MYO15B: variants seen among roughly 807,000 people sequenced by gnomAD.
The protein encoded by MYO15B is myosin XVB.
MYO15B carries 207 observed loss-of-function variants against 119.3 expected under a neutral mutation model. The observed-to-expected ratio is 1.73, with a 90% CI of 1.55 to 1.95. MYO15B has a LOEUF of 1.95. MYO15B is among the 30% of genes most tolerant of loss of function. MYO15B has a pLI of 0.00. For synonymous variants in MYO15B, 966 were observed against 498.9 expected (o/e 1.94, Z -12.48); for missense variants, 2,264 against 1,203.1 (o/e 1.88, Z -13.04).
intron 21 of MYO15B, among the ~76,000 whole-genome samples, chr17:75,609,668 T>C (rs1450098790): frequency 1.3e-5 from 2 of 149,442 alleles, no homozygotes; most frequent in African/African-American, 5.0e-5. Flanking sequence ...CTCTCTCTCT[T>C]TCTTTCCTTC....
At chr17:75,609,671 TTTCCTTCCTTCCC>T (rs907449320) in intron 21 of MYO15B, among the ~76,000 whole-genome samples, 3 of 149,988 alleles carry the variant, frequency 2.0e-5, no homozygotes, top group African/African-American at 7.5e-5. Flanking sequence ...TCTCTCTTTC[TTTCCTTCCTTCCC>T]TTCCTTCCTT....
Position 75,588,721 on chromosome 17 carries a change from G to A in MYO15B, c.664G>A (p.Glu222Lys), listed in dbSNP as rs574463855. 662 of 398,564 alleles carry A rather than the reference G, an allele frequency of 1.7e-3. 7 individuals carry two copies. The highest frequency in any genetic ancestry group is 1.8e-4 in the Non-Finnish European group (41 of 225,788). The allele number at this position is 398,564 out of a possible 1,614,324, so 24.7% of individuals were successfully genotyped here. ...GCCCCACGCAGATACCCGGGGCCGG[G>A]AAGGGTCGTCGGGGACGGGGCCCCT... The change falls in exon 1 of 64, where the codon GAA (glutamate) becomes AAA (lysine). Residue 222 changes from glutamate to lysine, a missense_variant. Physicochemically the swap from Glu to Lys is moderately conservative, Grantham distance 56. Transcript: ENST00000645453.
At chr17:75,616,395 G>C in exon 38 of MYO15B, 2 of 622,194 alleles carry the variant, frequency 3.2e-6, no homozygotes, top group Non-Finnish European at 5.7e-6. Flanking sequence ...GGAGGAGGAG[G>C]AGGAGGAGGA....
exon 1 of MYO15B, chr17:75,588,292 C>T: frequency 2.5e-6 from 1 of 398,316 alleles, no homozygotes; most frequent in South Asian, 1.3e-4. Flanking sequence ...CGGCTGCAGA[C>T]GCCCAGGGGC....
intron 14 of MYO15B, among the ~76,000 whole-genome samples, chr17:75,597,136 C>T (rs2056915936): frequency 6.6e-6 from 1 of 152,226 alleles, no homozygotes. Flanking sequence ...CATCTGGCCT[C>T]TGAGGTTCCT....
chr17:75,610,212 A>G, exon 22 of MYO15B: 1 of 701,786 alleles, frequency 1.4e-6, no homozygotes, highest in East Asian at 2.7e-5. Flanking sequence ...GCTGAACACC[A>G]TCCTGCTGGT....
intron 21 of MYO15B, among the ~76,000 whole-genome samples, 195 bp downstream of exon 21, chr17:75,606,216 G>A (rs1050692313): frequency 1.3e-5 from 2 of 152,050 alleles, no homozygotes; most frequent in African/African-American, 4.8e-5. Flanking sequence ...GAATACCCCG[G>A]CCACAAGAAA....
chr17:75,613,841 T>C (rs879178024), intron 29 of MYO15B, 64 bp downstream of exon 29: 2 of 639,262 alleles, frequency 3.1e-6, no homozygotes, highest in Non-Finnish European at 2.8e-6. Flanking sequence ...CCCTCCTCCT[T>C]CTCCAAGCCC....
chr17:75,612,758 T>C lies in MYO15B; in HGVS notation c.4636-40T>C, dbSNP rs1008066803. On this transcript the variant is annotated intron_variant, in intron 25 of 63. Transcript: ENST00000645453. ...GGTGGGGCTCCCCTGGGCTGTCTGA[T>C]AGCTGGTGAGCATGGACTGAGCCCT... The C allele has an allele frequency of 2.3e-5, 16 of 702,538 alleles. No individual in the cohort carries two copies. The African/African-American group carries it at 2.8e-4, about 12-fold the overall frequency. 43.5% of individuals were successfully genotyped at this position (702,538 alleles called of 1,614,324 possible). A position where few individuals can be genotyped will look rare whatever the true frequency, so the allele number is the denominator to read the frequency against.
chr17:75,610,937 C>A, exon 23 of MYO15B: 1 of 703,008 alleles, frequency 1.4e-6, no homozygotes, highest in Non-Finnish European at 2.6e-6. Flanking sequence ...AGCGAAAGGG[C>A]CTTGGAGAGA....
exon 45 of MYO15B, chr17:75,619,470 T>A: frequency 1.4e-6 from 1 of 702,300 alleles, no homozygotes; most frequent in Middle Eastern, 2.4e-4. Flanking sequence ...GCTTCTTTCC[T>A]GTCTCGGTCA....
At chr17:75,591,824 G>C in intron 5 of MYO15B, 112 bp downstream of exon 5, 1 of 682,278 alleles carries the variant, frequency 1.5e-6, no homozygotes, top group Non-Finnish European at 2.7e-6. Flanking sequence ...CAGGAGAGGG[G>C]TGGTCTCCAG....
At chr17:75,625,128 G>A (rs1418900373) in exon 60 of MYO15B, 1 of 696,892 alleles carries the variant, frequency 1.4e-6, no homozygotes, top group Non-Finnish European at 2.6e-6. Context: ...CACAGGTGCT[G>A]TGGGACTACC....
rs1273390832 is a variant in MYO15B at position 75,589,542 on chromosome 17, C to T, written c.1485C>T (p.His495=). 1 of 398,758 alleles carries T rather than the reference C, an allele frequency of 2.5e-6. No homozygotes were observed. Among genetic ancestry groups the T allele is most frequent in the Non-Finnish European group, 4.4e-6 (1 of 226,140 alleles). The allele number at this position is 398,758 out of a possible 1,614,324, so 24.7% of individuals were successfully genotyped here. Residue 495 remains histidine, a synonymous_variant, in exon 1 of 64, where the codon CAC becomes CAT. Coordinates refer to ENST00000645453, the Ensembl canonical transcript of MYO15B. This position sits in a 1 kb window ranked among gnomAD's most constrained non-coding sequence, Gnocchi z 4.2. The stretch of plus-strand genomic sequence containing the variant: ...GGGGCCGTGAGCCCGGGCTGCGGCA[C>T]CGTCTAGCGTTGCGCCTGGCTGGCT...
chr17:75,598,631 T>G (rs1315581093), intron 14 of MYO15B, among the ~76,000 whole-genome samples: 1 of 152,088 alleles, frequency 6.6e-6, no homozygotes, highest in Non-Finnish European at 1.5e-5. Context: ...ATGCAATACA[T>G]GTCTTCATGT....
chr17:75,598,461 C>G (rs1213491217), intron 14 of MYO15B, among the ~76,000 whole-genome samples: 1 of 144,692 alleles, frequency 6.9e-6, no homozygotes, highest in Non-Finnish European at 1.5e-5. Flanking sequence ...GCCTGTAGTC[C>G]CAGCTACTGG....
chr17:75,592,060 C>A (rs1367422333), exon 6 of MYO15B: 1 of 702,790 alleles, frequency 1.4e-6, no homozygotes, highest in East Asian at 2.7e-5. Context: ...TCGGCCAGGT[C>A]TTCTGCCTCT....
chr17:75,600,657 C>T (rs1434505169), intron 14 of MYO15B: 1 of 144,272 alleles, frequency 6.9e-6, no homozygotes, highest in African/African-American at 2.5e-5. Flanking sequence ...GCGGTCTCGG[C>T]TCACTGCAAC....
intron 33 of MYO15B, 36 bp downstream of exon 33, chr17:75,615,078 G>A (rs965781673): frequency 2.9e-6 from 2 of 696,360 alleles, no homozygotes; most frequent in Middle Eastern, 2.3e-4. Context: ...CAGGGCCTCC[G>A]GGCCCGGCAG....
Sources: gnomAD v4.1 joint callset for allele counts (sites outside exome capture counted in the v4.1 genomes callset) on GRCh38, gnomAD v4.1.1 for gene constraint, Gnocchi (gnomAD v3.1) non-coding constraint, MANE v1.5 for transcripts, NCBI Gene and HGNC (gene_info 2026-07-23, HGNC 2026-07-21) for gene names.